Variants in ADGRL3 observed in about 807,000 individuals in gnomAD.
ADGRL3 encodes adhesion G protein-coupled receptor L3, also known as calcium-independent alpha-latrotoxin receptor 3.
Under a neutral mutation model 153.5 loss-of-function variants are expected in ADGRL3, and 62 were observed. The ratio of observed to expected loss-of-function variants is 0.40; its 90% CI spans 0.33 to 0.50. The LOEUF is 0.50. Ranked by LOEUF, ADGRL3 falls within the 20% of genes least tolerant of loss-of-function variation. The probability of loss-of-function intolerance (pLI) is 0.47; values close to 1 mark genes in which losing one functional copy is unlikely to be tolerated. For missense variants in ADGRL3, 1,641 were observed against 1,859.4 expected (o/e 0.88, Z 2.16); for synonymous variants, 710 against 672.5 (o/e 1.06, Z -0.86).
intron 25 of ADGRL3, among the ~76,000 whole-genome samples, chr4:62,056,910 A>G (rs961495787): frequency 1.3e-5 from 2 of 152,112 alleles, no homozygotes; most frequent in Non-Finnish European, 2.9e-5. Context: ...GCATATTGCT[A>G]TATGACTGAC....
chr4:61,628,772 C>G (rs371000072), intron 5 of ADGRL3, among the ~76,000 whole-genome samples: 1 of 152,030 alleles, frequency 6.6e-6, no homozygotes, highest in Non-Finnish European at 1.5e-5. Context: ...ACTGCTTTGC[C>G]GAAATTCAAC....
intron 8 of ADGRL3, among the ~76,000 whole-genome samples, chr4:61,799,626 C>T (rs560360852): frequency 6.6e-6 from 1 of 152,054 alleles, no homozygotes; most frequent in Non-Finnish European, 1.5e-5. Flanking sequence ...CCAACTTGCC[C>T]AGCATGCCTC....
intron 9 of ADGRL3, among the ~76,000 whole-genome samples, chr4:61,851,793 T>C (rs534965585): frequency 3.3e-5 from 5 of 152,288 alleles, no homozygotes; most frequent in South Asian, 2.1e-4. Context: ...TCCAGTGCCA[T>C]GTGAAACTGT....
chr4:61,652,101 T>G (rs984979592), intron 5 of ADGRL3, among the ~76,000 whole-genome samples: 1 of 152,264 alleles, frequency 6.6e-6, no homozygotes, highest in Non-Finnish European at 1.5e-5. Context: ...CTAAAAGAAC[T>G]GGAAAAAATG....
chr4:61,764,445 T>G (rs1243537957), intron 8 of ADGRL3, among the ~76,000 whole-genome samples: 118 of 101,714 alleles, frequency 1.2e-3, no homozygotes, highest in African/African-American at 2.5e-3. Flanking sequence ...TGGGCAGGAG[T>G]GGGGGTCGCA....
At chr4:62,031,936 T>G (rs1311823150) in intron 23 of ADGRL3, among the ~76,000 whole-genome samples, 3 of 147,468 alleles carry the variant, frequency 2.0e-5, no homozygotes, top group Non-Finnish European at 4.5e-5. Context: ...TTTCTGAAAA[T>G]GTTGTGGAGG....
intron 25 of ADGRL3, among the ~76,000 whole-genome samples, chr4:62,060,724 A>AT (rs908294357): frequency 2.0e-5 from 3 of 151,652 alleles, no homozygotes; most frequent in Non-Finnish European, 4.4e-5. Context: ...ACAATTTTTC[A>AT]TTTTTTTGTC....
intron 5 of ADGRL3, among the ~76,000 whole-genome samples, chr4:61,623,832 TC>T (rs1384636101): frequency 2.6e-5 from 4 of 152,066 alleles, no homozygotes; most frequent in Non-Finnish European, 5.9e-5. Flanking sequence ...TGTGATCTAG[TC>T]TGAGGTGGTG....
chr4:61,391,377 G>T (rs1308370119), intron 2 of ADGRL3, among the ~76,000 whole-genome samples: 1 of 152,142 alleles, frequency 6.6e-6, no homozygotes, highest in Non-Finnish European at 1.5e-5. Context: ...CTTACCTCAA[G>T]AAGGGTACCA....
chr4:61,749,923 G>C (rs980334063), intron 8 of ADGRL3, among the ~76,000 whole-genome samples: 1 of 151,894 alleles, frequency 6.6e-6, no homozygotes, highest in Non-Finnish European at 1.5e-5. Context: ...TGGAATTCAG[G>C]CACACAGATC....
At chr4:61,656,352 CT>C (rs942428811) in intron 5 of ADGRL3, among the ~76,000 whole-genome samples, 3 of 151,340 alleles carry the variant, frequency 2.0e-5, no homozygotes, top group South Asian at 2.1e-4. Context: ...AATGAAGGTA[CT>C]TTTTTTTGTG....
At chr4:61,978,450 A>G (rs2099055734) in intron 17 of ADGRL3, among the ~76,000 whole-genome samples, 1 of 152,114 alleles carries the variant, frequency 6.6e-6, no homozygotes, top group Non-Finnish European at 1.5e-5. Context: ...CCTTTTACCC[A>G]TTCATTTATC....
chr4:61,665,455 GC>G (rs2150675154), intron 5 of ADGRL3, among the ~76,000 whole-genome samples: 1 of 151,926 alleles, frequency 6.6e-6, no homozygotes, highest in Non-Finnish European at 1.5e-5. Flanking sequence ...ACATGGTAGA[GC>G]TTTACTTTCT....
At chr4:61,413,945 C>T (rs2152285342) in intron 2 of ADGRL3, among the ~76,000 whole-genome samples, 1 of 152,208 alleles carries the variant, frequency 6.6e-6, no homozygotes, top group African/African-American at 2.4e-5. Context: ...GGTTTGGGAC[C>T]ATTTTATTAA....
intron 13 of ADGRL3, among the ~76,000 whole-genome samples, chr4:61,928,423 A>T (rs755430609): frequency 6.6e-5 from 10 of 152,100 alleles, no homozygotes; most frequent in Non-Finnish European, 1.2e-4. Context: ...GCAAGAGTCT[A>T]TTACTTTTGT....
intron 5 of ADGRL3, among the ~76,000 whole-genome samples, chr4:61,617,821 A>T (rs775459389): frequency 1.3e-5 from 2 of 152,196 alleles, no homozygotes; most frequent in Admixed American, 6.6e-5. Context: ...CTCTGTTAAC[A>T]TGTGTTATAA....
intron 24 of ADGRL3, among the ~76,000 whole-genome samples, 177 bp from the exon 25 acceptor site, chr4:62,044,276 A>G (rs1278949489): frequency 6.6e-6 from 1 of 152,088 alleles, no homozygotes; most frequent in Non-Finnish European, 1.5e-5. Context: ...ACCATATATT[A>G]TCATGAAAGT....
At chr4:62,018,593 AAG>A (rs893205658) in intron 21 of ADGRL3, among the ~76,000 whole-genome samples, 1 of 151,634 alleles carries the variant, frequency 6.6e-6, no homozygotes. Context: ...AGAAATGAGG[AAG>A]AGAGAGAGAG....
chr4:61,711,457 A>ATT (rs1461538873), intron 6 of ADGRL3, among the ~76,000 whole-genome samples: 2,217 of 43,146 alleles, frequency 0.051, 323 homozygotes, highest in East Asian at 0.11. Context: ...CATATGCTTC[A>ATT]TTATATATAT....
Sources: allele counts gnomAD v4.1 joint callset (sites outside exome capture counted in the v4.1 genomes callset), GRCh38; gene constraint gnomAD v4.1.1; transcripts MANE v1.5; gene names NCBI Gene and HGNC (gene_info 2026-07-23, HGNC 2026-07-21).